MEF2C: variants seen among roughly 807,000 people sequenced by gnomAD.
MEF2C encodes the protein myocyte enhancer factor 2C.
MEF2C carries 6 observed loss-of-function variants against 50.5 expected under a neutral mutation model. The observed-to-expected ratio is 0.12, with a 90% CI of 0.07 to 0.23. MEF2C has a LOEUF of 0.23. Ranked by LOEUF, MEF2C falls within the 10% of genes least tolerant of loss-of-function variation. The probability of loss-of-function intolerance (pLI) is 1.00; values close to 1 mark genes in which losing one functional copy is unlikely to be tolerated. For synonymous variants in MEF2C, 183 were observed against 228.0 expected (o/e 0.80, Z 1.78); for missense variants, 276 against 605.0 (o/e 0.46, Z 5.70).
intron 10 of MEF2C, among the ~76,000 whole-genome samples, chr5:88,723,508 A>T (rs1049479931): frequency 2.0e-5 from 3 of 152,244 alleles, no homozygotes; most frequent in Admixed American, 2.0e-4. Context: ...GTATCTGGTA[A>T]AAAGCTTTGG....
At chr5:88,898,113 C>T (rs1230996963) in intron 1 of MEF2C, among the ~76,000 whole-genome samples, 1 of 152,128 alleles carries the variant, frequency 6.6e-6, no homozygotes, top group African/African-American at 2.4e-5. Flanking sequence ...GTTATTCACT[C>T]CTGTTCTCTC....
At chr5:88,786,463 GA>G (rs5869443) in intron 3 of MEF2C, among the ~76,000 whole-genome samples, 18 of 151,110 alleles carry the variant, frequency 1.2e-4, no homozygotes, top group East Asian at 3.9e-4. Flanking sequence ...TTAGAGAGGG[GA>G]AAAAAAAATC....
intron 3 of MEF2C, among the ~76,000 whole-genome samples, chr5:88,781,153 G>A (rs1003221169): frequency 4.0e-5 from 6 of 151,820 alleles, no homozygotes; most frequent in East Asian, 1.9e-4. Flanking sequence ...ATTTCATCAC[G>A]TTATTACACA....
At chr5:88,806,346 T>G (rs1800428202) in intron 2 of MEF2C, among the ~76,000 whole-genome samples, 1 of 152,196 alleles carries the variant, frequency 6.6e-6, no homozygotes, top group Non-Finnish European at 1.5e-5. Flanking sequence ...AGACACCCAA[T>G]GCATGTCCTC....
chr5:88,747,469 C>T lies in MEF2C; in HGVS notation c.637+1601G>A, dbSNP rs1456353788. Among the ~76,000 whole-genome samples the T allele has an allele frequency of 3.0e-5, 2 of 66,026 alleles. 1 individual carries two copies. Among genetic ancestry groups the T allele is most frequent in the Admixed American group, 2.9e-4 (2 of 6,988 alleles). 43.3% of individuals were successfully genotyped at this position (66,026 alleles called of 152,430 possible). Reference sequence around the variant, plus strand: ...GTTCACGCCATTCTCCTGCCTCAGCCTCCCAAGTAGCTGGGACTACAGGCG... The same window carrying T: ...GTTCACGCCATTCTCCTGCCTCAGCTTCCCAAGTAGCTGGGACTACAGGCG... On this transcript the variant is annotated intron_variant, in intron 6 of 10. Coordinates refer to ENST00000504921, the MANE Select transcript of MEF2C (RefSeq NM_002397.5).
chr5:88,821,470 G>A (rs1236454499), intron 2 of MEF2C, among the ~76,000 whole-genome samples: 3 of 151,642 alleles, frequency 2.0e-5, no homozygotes, highest in Non-Finnish European at 4.4e-5. Context: ...TCCTTATGTT[G>A]CCCAGGCTGG....
chr5:88,750,160 G>T, intron 5 of MEF2C: 2 of 861,546 alleles, frequency 2.3e-6, no homozygotes, highest in Non-Finnish European at 2.8e-6. Context: ...TTCAGGTTTT[G>T]GAATTAAAAG....
intron 1 of MEF2C, among the ~76,000 whole-genome samples, chr5:88,859,706 A>G (rs979656016): frequency 2.0e-5 from 3 of 152,242 alleles, no homozygotes; most frequent in Non-Finnish European, 1.5e-5. Flanking sequence ...GCGCTCAACG[A>G]GCAAAAACTC....
chr5:88,823,872 C>G lies in MEF2C; in HGVS notation c.-84G>C. 6.3e-7 allele frequency: 1 copy of G among 1,589,790 alleles called. No individual in the cohort carries two copies. Among genetic ancestry groups the G allele is most frequent in the Admixed American group, 1.7e-5 (1 of 57,988 alleles). On this transcript the variant is annotated 5_prime_UTR_variant, in exon 2 of 11. Transcript: ENST00000504921. ...CTTTCTCTTTCCTGTTTCCTCCAAA[C>G]AAATCTCCTTCTTCAGCACTTGCAC...
intron 3 of MEF2C, chr5:88,768,785 T>C (rs1044198760): frequency 1.1e-5 from 7 of 640,906 alleles, no homozygotes; most frequent in Non-Finnish European, 1.4e-5. Context: ...TCACACTACG[T>C]TAAAACTCAA....
At chr5:88,780,800 A>T (rs577992362) in intron 3 of MEF2C, 2 of 985,448 alleles carry the variant, frequency 2.0e-6, no homozygotes, top group East Asian at 1.1e-4. Flanking sequence ...TATCCTTGCT[A>T]ATTACTTCCA....
rs1273543428 is a variant in MEF2C at position 88,890,378 on chromosome 5, C to A, written c.-239-2780G>T. ...CTGTGCTGTTCTTTGACCTGTCTGG[C>A]ATTGTGGAATACTCAATTACATCGA... On this transcript the variant is annotated intron_variant, in intron 1 of 11. Transcript: ENST00000340208. Among the ~76,000 whole-genome samples the A allele has an allele frequency of 2.0e-5, 3 of 152,158 alleles. No individual in the cohort carries two copies. The East Asian group carries it at 5.8e-4, about 29-fold the overall frequency.
chr5:88,838,439 C>T (rs959400604), intron 1 of MEF2C: 2 of 440,220 alleles, frequency 4.5e-6, no homozygotes, highest in Non-Finnish European at 6.0e-6. Flanking sequence ...TAAATGTATA[C>T]TGTATAAATC....
chr5:88,899,885 T>G (rs1002707083), intron 1 of MEF2C, among the ~76,000 whole-genome samples: 1 of 152,178 alleles, frequency 6.6e-6, no homozygotes, highest in South Asian at 2.1e-4. Context: ...CTAAATGGTG[T>G]TGTTAGTCAT....
chr5:88,842,771 T>C (rs1048464368), intron 1 of MEF2C, among the ~76,000 whole-genome samples: 8 of 152,246 alleles, frequency 5.3e-5, no homozygotes, highest in Non-Finnish European at 7.3e-5. Flanking sequence ...ACTTCCTAGA[T>C]ACATTTTTCA....
intron 1 of MEF2C, among the ~76,000 whole-genome samples, chr5:88,833,086 AT>A (rs542066498): frequency 1.3e-3 from 198 of 152,298 alleles, no homozygotes; most frequent in African/African-American, 4.5e-3. Flanking sequence ...ATAGTGATAA[AT>A]TTGGTAATGC....
intron 1 of MEF2C, among the ~76,000 whole-genome samples, chr5:88,858,078 ATTAAT>A (rs907740963): frequency 4.6e-5 from 7 of 152,344 alleles, no homozygotes; most frequent in African/African-American, 1.2e-4. Context: ...TTTTCTTCCT[ATTAAT>A]TTAATTTTGA....
Position 88,788,556 on chromosome 5 carries a change from G to A in MEF2C, c.258+16042C>T, listed in dbSNP as rs543338818. Among the ~76,000 whole-genome samples the A allele has an allele frequency of 2.0e-4, 30 of 152,188 alleles. No homozygotes were observed. The East Asian group carries it at 4.6e-3, about 23-fold the overall frequency. Reference sequence around the variant, plus strand: ...AGAGAACACTAGATGCACCAGTTTCGTCATTTACTGTCCAACAGAGGGTTT... The same window carrying A: ...AGAGAACACTAGATGCACCAGTTTCATCATTTACTGTCCAACAGAGGGTTT... On this transcript the variant is annotated intron_variant, in intron 3 of 10. Transcript: ENST00000504921.
intron 6 of MEF2C, among the ~76,000 whole-genome samples, chr5:88,744,950 C>T (rs549209621): frequency 6.6e-6 from 1 of 152,184 alleles, no homozygotes; most frequent in African/African-American, 2.4e-5. Context: ...GCCCAGGGTA[C>T]TCAGCCATTT....
Sources: allele counts gnomAD v4.1 joint callset (sites outside exome capture counted in the v4.1 genomes callset), GRCh38; gene constraint gnomAD v4.1.1; transcripts MANE v1.5; gene names NCBI Gene and HGNC (gene_info 2026-07-23, HGNC 2026-07-21).